Variants in LAMA2 observed in about 807,000 individuals in gnomAD.
The protein encoded by LAMA2 is laminin subunit alpha-2.
Under a neutral mutation model 364.8 loss-of-function variants are expected in LAMA2, and 269 were observed. The ratio of observed to expected loss-of-function variants is 0.74; its 90% CI spans 0.67 to 0.82. LAMA2 has a LOEUF of 0.82. Among genes scored for constraint, LAMA2 ranks in the 40% least tolerant of loss-of-function variants. The probability of loss-of-function intolerance (pLI) is 0.00; values close to 1 mark genes in which losing one functional copy is unlikely to be tolerated. For synonymous variants in LAMA2, 1,379 were observed against 1,370.6 expected (o/e 1.01, Z -0.14); for missense variants, 3,807 against 3,873.2 (o/e 0.98, Z 0.45).
rs138533192 is a variant in LAMA2 at position 129,263,853 on chromosome 6, C to A, written c.2208+3031C>A. On this transcript the variant is annotated intron_variant, in intron 15 of 64. Transcript: ENST00000421865. Reference sequence around the variant, plus strand: ...CTCCTGAGCTCAAGTGATCCTCCTGCCTCAGCCTCCTGAGTAGCTGGGACT... The same window carrying A: ...CTCCTGAGCTCAAGTGATCCTCCTGACTCAGCCTCCTGAGTAGCTGGGACT... Among the ~76,000 whole-genome samples the A allele has an allele frequency of 2.6e-5, 4 of 152,268 alleles. No individual in the cohort carries two copies. The East Asian group carries it at 7.7e-4, about 29-fold the overall frequency.
chr6:129,269,289 G>C (rs1418589336), intron 16 of LAMA2, among the ~76,000 whole-genome samples: 1 of 151,574 alleles, frequency 6.6e-6, no homozygotes, highest in East Asian at 1.9e-4. Flanking sequence ...TATGTAATGT[G>C]AGCAAAATTT....
intron 3 of LAMA2, among the ~76,000 whole-genome samples, chr6:129,068,717 G>T (rs77435997): frequency 7.2e-5 from 11 of 152,272 alleles, no homozygotes; most frequent in Non-Finnish European, 1.5e-4. Context: ...GCTTTTAAGC[G>T]TATTCTAAAT....
chr6:129,202,702 C>T (rs77308634), intron 12 of LAMA2, among the ~76,000 whole-genome samples: 3,145 of 152,204 alleles, frequency 0.021, 100 homozygotes, highest in East Asian at 0.14. Context: ...GAAAAAACAA[C>T]GCAAGCAATC....
At chr6:129,188,859 TTTCTC>T (rs1781374627) in intron 10 of LAMA2, among the ~76,000 whole-genome samples, 1 of 151,986 alleles carries the variant, frequency 6.6e-6, no homozygotes, top group South Asian at 2.1e-4. Flanking sequence ...TCATGCTATT[TTTCTC>T]TTCTCTTCTG....
At chr6:128,932,361 A>T (rs1779535468) in intron 1 of LAMA2, among the ~76,000 whole-genome samples, 1 of 152,236 alleles carries the variant, frequency 6.6e-6, no homozygotes, top group Admixed American at 6.5e-5. Context: ...TCAATCACTC[A>T]ACAAGTGTTT....
At chr6:129,102,388 G>A (rs1464706259) in intron 4 of LAMA2, among the ~76,000 whole-genome samples, 2 of 151,660 alleles carry the variant, frequency 1.3e-5, no homozygotes, top group East Asian at 3.9e-4. Context: ...GCCCACCTTG[G>A]CCTCCCAAAG....
At chr6:128,917,673 C>T (rs1398231407) in intron 1 of LAMA2, among the ~76,000 whole-genome samples, 3 of 149,002 alleles carry the variant, frequency 2.0e-5, no homozygotes, top group African/African-American at 7.4e-5. Context: ...TTATTTTATA[C>T]TCTCACCCTA....
chr6:129,110,109 CAA>C (rs3061201), intron 4 of LAMA2, among the ~76,000 whole-genome samples: 3 of 142,804 alleles, frequency 2.1e-5, no homozygotes, highest in Non-Finnish European at 3.1e-5. Context: ...CACCTTATTG[CAA>C]AAAAAAAAAA....
At chr6:128,883,592 T>G (rs1457607827) in intron 1 of LAMA2, among the ~76,000 whole-genome samples, 1 of 151,612 alleles carries the variant, frequency 6.6e-6, no homozygotes, top group South Asian at 2.1e-4. Context: ...CATTGTTCTT[T>G]AGTTTCGAAG....
At chr6:129,012,782 G>A (rs1378294810) in intron 1 of LAMA2, among the ~76,000 whole-genome samples, 1 of 152,202 alleles carries the variant, frequency 6.6e-6, no homozygotes, top group Non-Finnish European at 1.5e-5. Context: ...CACTGTGCTT[G>A]GCCCTCACTA....
intron 8 of LAMA2, chr6:129,158,356 C>G (rs926910275): frequency 6.2e-7 from 1 of 1,614,022 alleles, no homozygotes; most frequent in Non-Finnish European, 8.5e-7. Context: ...GCCACTCTTT[C>G]GCCATGCCAT....
At chr6:129,463,522 A>T (rs1300375693) in intron 49 of LAMA2, among the ~76,000 whole-genome samples, 2 of 152,024 alleles carry the variant, frequency 1.3e-5, no homozygotes, top group Non-Finnish European at 2.9e-5. Flanking sequence ...GTAACATCAG[A>T]CAGATAGGTA....
intron 51 of LAMA2, among the ~76,000 whole-genome samples, chr6:129,472,103 T>A (rs1783841512): frequency 6.6e-6 from 1 of 152,012 alleles, no homozygotes; most frequent in Non-Finnish European, 1.5e-5. Context: ...CATATTAGCA[T>A]GCTGAAAGAT....
intron 1 of LAMA2, among the ~76,000 whole-genome samples, chr6:128,885,434 A>G (rs1221986916): frequency 6.6e-6 from 1 of 152,224 alleles, no homozygotes; most frequent in African/African-American, 2.4e-5. Flanking sequence ...TTCAACAACT[A>G]AAACACTTCC....
At chr6:128,929,923 G>A in intron 1 of LAMA2, 1 of 810,332 alleles carries the variant, frequency 1.2e-6, no homozygotes, top group Non-Finnish European at 2.1e-6. Context: ...CAGCAAGCAG[G>A]AGCGCGGCCC....
chr6:129,422,102 C>G (rs558151227), intron 40 of LAMA2, among the ~76,000 whole-genome samples: 1 of 152,094 alleles, frequency 6.6e-6, no homozygotes, highest in East Asian at 1.9e-4. Flanking sequence ...ACCCTACAAA[C>G]TTAGGGAGCT....
chr6:128,911,012 G>A (rs901459181), intron 1 of LAMA2, among the ~76,000 whole-genome samples: 6 of 151,064 alleles, frequency 4.0e-5, no homozygotes, highest in African/African-American at 1.2e-4. Context: ...CTCCAGCTGC[G>A]TACTGGGAGA....
intron 2 of LAMA2, 25 bp downstream of exon 2, chr6:129,050,113 G>A: frequency 6.2e-7 from 1 of 1,612,764 alleles, no homozygotes. Context: ...GTGTAGGTGT[G>A]TGGCGCTGGG....
At chr6:129,056,958 C>T (rs1056587015) in intron 2 of LAMA2, among the ~76,000 whole-genome samples, 13 of 151,646 alleles carry the variant, frequency 8.6e-5, no homozygotes, top group Admixed American at 2.0e-4. Flanking sequence ...GTCTTGAACT[C>T]CTGACCTCAG....
Sources: gnomAD v4.1 joint callset for allele counts (sites outside exome capture counted in the v4.1 genomes callset) on GRCh38, gnomAD v4.1.1 for gene constraint, MANE v1.5 for transcripts, NCBI Gene and HGNC (gene_info 2026-07-23, HGNC 2026-07-21) for gene names.